CALN1: variants seen among roughly 807,000 people sequenced by gnomAD.
CALN1 encodes the protein calcium-binding protein 8.
A neutral mutation model predicts 30.6 loss-of-function variants in CALN1; 17 were observed. The ratio of observed to expected loss-of-function variants is 0.56; its 90% CI spans 0.38 to 0.83. The LOEUF (loss-of-function observed/expected upper bound fraction) is 0.83, where lower values mean the gene tolerates loss of function less well. Among genes scored for constraint, CALN1 ranks in the 40% least tolerant of loss-of-function variants. The pLI is 0.00. For synonymous variants in CALN1, 156 were observed against 131.4 expected (o/e 1.19, Z -1.28); for missense variants, 291 against 354.9 (o/e 0.82, Z 1.45).
At chr7:72,017,460 G>A (rs1451608770) in intron 5 of CALN1, among the ~76,000 whole-genome samples, 1 of 152,166 alleles carries the variant, frequency 6.6e-6, no homozygotes, top group Non-Finnish European at 1.5e-5. Context: ...AGTACCCTAT[G>A]CACTTTCAGG....
chr7:72,037,396 C>T (rs369149291), intron 4 of CALN1, among the ~76,000 whole-genome samples: 10 of 152,224 alleles, frequency 6.6e-5, no homozygotes, highest in African/African-American at 1.2e-4. Flanking sequence ...GTGATCCACC[C>T]GCCTCGGCCT....
At chr7:72,049,243 A>G (rs921949222) in intron 4 of CALN1, among the ~76,000 whole-genome samples, 5 of 152,222 alleles carry the variant, frequency 3.3e-5, no homozygotes, top group African/African-American at 1.2e-4. Context: ...GGGAAAATAA[A>G]AAAGAGGTAA....
At chr7:71,909,000 G>A (rs143824875) in intron 5 of CALN1, among the ~76,000 whole-genome samples, 2 of 152,092 alleles carry the variant, frequency 1.3e-5, no homozygotes, top group African/African-American at 4.8e-5. Flanking sequence ...TGACTTCTCC[G>A]TGACATTTTA....
chr7:72,245,956 C>T (rs1010989035), intron 3 of CALN1, among the ~76,000 whole-genome samples: 2 of 152,214 alleles, frequency 1.3e-5, no homozygotes, highest in African/African-American at 2.4e-5. Context: ...AAGGCGTCCT[C>T]CACATTTTTG....
the CALN1 span, among the ~76,000 whole-genome samples, chr7:72,472,315 A>G: frequency 6.6e-6 from 1 of 152,150 alleles, no homozygotes; most frequent in Non-Finnish European, 1.5e-5. Flanking sequence ...GTCAATGGAG[A>G]CAATGCAGAC....
At chr7:72,245,010 G>T (rs985938667) in intron 3 of CALN1, among the ~76,000 whole-genome samples, 1 of 152,128 alleles carries the variant, frequency 6.6e-6, no homozygotes, top group African/African-American at 2.4e-5. Context: ...CTCACATGAG[G>T]AAAACAGAAC....
At chr7:71,897,958 AAAAAAAC>A (rs1562881735) in intron 5 of CALN1, among the ~76,000 whole-genome samples, 21 of 122,566 alleles carry the variant, frequency 1.7e-4, no homozygotes, top group East Asian at 2.8e-4. Context: ...GTAGTGTTGG[AAAAAAAC>A]AAAAAACAAA....
At chr7:72,241,548 A>C (rs1164293036) in intron 3 of CALN1, among the ~76,000 whole-genome samples, 3 of 152,068 alleles carry the variant, frequency 2.0e-5, no homozygotes, top group Admixed American at 6.6e-5. Flanking sequence ...CTCTACTAAA[A>C]ATACAAAATT....
chr7:72,486,290 C>T, the CALN1 span, among the ~76,000 whole-genome samples: 1 of 152,180 alleles, frequency 6.6e-6, no homozygotes, highest in East Asian at 1.9e-4. Context: ...CAACGTGTGA[C>T]TTAATGAACT....
chr7:72,003,903 A>G (rs1799645347), intron 5 of CALN1, among the ~76,000 whole-genome samples: 1 of 152,214 alleles, frequency 6.6e-6, no homozygotes, highest in South Asian at 2.1e-4. Flanking sequence ...AAAGGTGATG[A>G]CGCTATTCCT....
At chr7:71,947,321 T>C (rs546377032) in intron 5 of CALN1, among the ~76,000 whole-genome samples, 2 of 152,194 alleles carry the variant, frequency 1.3e-5, no homozygotes, top group Admixed American at 6.5e-5. Flanking sequence ...AGTGGGAGTT[T>C]TATGTACATT....
chr7:71,928,502 G>A (rs954604742), intron 5 of CALN1, among the ~76,000 whole-genome samples: 1 of 149,876 alleles, frequency 6.7e-6, no homozygotes, highest in Non-Finnish European at 1.5e-5. Flanking sequence ...ATTTTACCCC[G>A]AATATTTTTG....
At chr7:72,041,739 C>T (rs1802142036) in intron 4 of CALN1, among the ~76,000 whole-genome samples, 1 of 152,068 alleles carries the variant, frequency 6.6e-6, no homozygotes, top group Non-Finnish European at 1.5e-5. Flanking sequence ...GGGAGGGACC[C>T]AGTGGGAGGT....
chr7:72,230,773 T>G (rs142746882), intron 3 of CALN1, among the ~76,000 whole-genome samples: 1 of 152,234 alleles, frequency 6.6e-6, no homozygotes, highest in East Asian at 1.9e-4. Flanking sequence ...ATTCGTATTC[T>G]GTTAAGCCGC....
chr7:72,155,425 G>A (rs1465428359), intron 3 of CALN1, among the ~76,000 whole-genome samples: 1 of 151,338 alleles, frequency 6.6e-6, no homozygotes, highest in African/African-American at 2.4e-5. Context: ...CTGGGAGGCG[G>A]AGCTTGCAAT....
At chr7:72,451,169 G>A (rs183157758), upstream of CALN1, among the ~76,000 whole-genome samples, 19 of 147,946 alleles carry the variant, frequency 1.3e-4, no homozygotes, top group African/African-American at 3.8e-4. Flanking sequence ...AGAAGGAGGA[G>A]GAGGAGGAGC....
intron 5 of CALN1, among the ~76,000 whole-genome samples, chr7:72,012,896 A>T (rs1800166021): frequency 6.6e-6 from 1 of 152,104 alleles, no homozygotes; most frequent in Non-Finnish European, 1.5e-5. Flanking sequence ...CCGGGGTTCA[A>T]GCAATTCTCC....
At chr7:71,811,448 C>T (rs955981640) in intron 5 of CALN1, among the ~76,000 whole-genome samples, 2 of 63,792 alleles carry the variant, frequency 3.1e-5, no homozygotes, top group African/African-American at 1.8e-4. Flanking sequence ...GCCTCAAGTA[C>T]TCCTGCCTTG....
chr7:71,951,515 C>G (rs963245834), intron 5 of CALN1, among the ~76,000 whole-genome samples: 1 of 152,158 alleles, frequency 6.6e-6, no homozygotes, highest in Non-Finnish European at 1.5e-5. Context: ...CGCTTGAACC[C>G]AGGAGGCGGA....
Sources: allele counts gnomAD v4.1 joint callset (sites outside exome capture counted in the v4.1 genomes callset), GRCh38; gene constraint gnomAD v4.1.1; transcripts MANE v1.5; gene names NCBI Gene and HGNC (gene_info 2026-07-23, HGNC 2026-07-21).